Variants in KCNH5 observed in about 807,000 individuals in gnomAD.
The protein encoded by KCNH5 is potassium voltage-gated channel subfamily H member 5, also known as voltage-gated delayed rectifier potassium channel KCNH5.
A neutral mutation model predicts 96.1 loss-of-function variants in KCNH5; 46 were observed. That is an observed-to-expected ratio of 0.48 (90% CI 0.38 to 0.61). The LOEUF (loss-of-function observed/expected upper bound fraction) is 0.61. KCNH5 is among the 20% of genes least tolerant of loss of function. The pLI, the probability that KCNH5 is intolerant of heterozygous loss-of-function variation, is 0.00. For synonymous variants in KCNH5, 439 were observed against 449.8 expected, an observed-to-expected ratio of 0.98 and a Z score of 0.30; for missense variants, 907 against 1,225.8, an observed-to-expected ratio of 0.74 and a Z score of 3.88.
intron 8 of KCNH5, among the ~76,000 whole-genome samples, chr14:62,842,545 C>T (rs1887606994): frequency 6.6e-6 from 1 of 152,160 alleles, no homozygotes; most frequent in Non-Finnish European, 1.5e-5. Context: ...TTGCATAATG[C>T]TTTCAAATAA....
At chr14:62,966,319 C>A (rs1890304827) in intron 6 of KCNH5, among the ~76,000 whole-genome samples, 1 of 152,116 alleles carries the variant, frequency 6.6e-6, no homozygotes, top group Non-Finnish European at 1.5e-5. Context: ...AATCACTGCT[C>A]ATCAAAAGGG....
intron 9 of KCNH5, among the ~76,000 whole-genome samples, chr14:62,798,305 T>C (rs959281664): frequency 1.3e-5 from 2 of 152,044 alleles, no homozygotes; most frequent in African/African-American, 4.8e-5. Context: ...AAAATGAAAA[T>C]ACAACAAAAC....
rs1401132654 is a variant in KCNH5, at chr14:62,908,339, G to A, written c.1369+41794C>T. On this transcript the variant is annotated intron_variant, in intron 7 of 10. Transcript: ENST00000322893. ...AGAGATGAGCACAGACATGACAGAC[G>A]GATACGTCTGACTTTCAATCACCTT... Among the ~76,000 whole-genome samples, 4 of 152,048 alleles carry A rather than the reference G, an allele frequency of 2.6e-5. No homozygotes were observed. In the South Asian group the frequency reaches 6.2e-4, roughly 24 times the overall value.
At chr14:62,959,637 G>A (rs936121506) in intron 6 of KCNH5, among the ~76,000 whole-genome samples, 1 of 152,010 alleles carries the variant, frequency 6.6e-6, no homozygotes, top group Non-Finnish European at 1.5e-5. Flanking sequence ...TCTGATGTTT[G>A]CATCATTATG....
intron 1 of KCNH5, among the ~76,000 whole-genome samples, chr14:63,037,064 AAAC>A (rs1891734684): frequency 6.6e-6 from 1 of 152,200 alleles, no homozygotes; most frequent in South Asian, 2.1e-4. Context: ...TCAAATATTT[AAAC>A]AACTAAATGA....
Position 62,840,561 on chromosome 14 carries a change from T to TCTTTC in KCNH5, c.1569+9091_1569+9092insGAAAG, listed in dbSNP as rs1392441614. Among the ~76,000 whole-genome samples, 344 of 131,896 alleles carry TCTTTC rather than the reference T, an allele frequency of 2.6e-3. 7 individuals carry two copies. The highest frequency in any genetic ancestry group is 7.6e-3 in the East Asian group (28 of 3,672). The allele number at this position is 131,896 out of a possible 152,430, so 86.5% of individuals were successfully genotyped here. A position where few individuals can be genotyped will look rare whatever the true frequency, so the allele number is the denominator to read the frequency against. On this transcript the variant is annotated intron_variant, in intron 8 of 10. Transcript: ENST00000322893. ...TTTGTTTTGTTTTTCTTTTTTCTTT[T>TCTTTC]TTTTCTTTTTTTTTTTTTTTTTTTT...
At chr14:62,798,517 C>T (rs1462227558) in intron 9 of KCNH5, among the ~76,000 whole-genome samples, 2 of 152,062 alleles carry the variant, frequency 1.3e-5, no homozygotes, top group African/African-American at 4.8e-5. Context: ...ATGTATGCAT[C>T]ACGAACTTAA....
At chr14:63,003,839 CT>C (rs1891076625) in intron 3 of KCNH5, among the ~76,000 whole-genome samples, 1 of 151,204 alleles carries the variant, frequency 6.6e-6, no homozygotes, top group Non-Finnish European at 1.5e-5. Flanking sequence ...CCAGGATGGT[CT>C]CGATTTCCTG....
intron 5 of KCNH5, 84 bp from the exon 6 acceptor site, chr14:62,981,348 C>T (rs1296188441): frequency 1.5e-6 from 2 of 1,308,692 alleles, no homozygotes; most frequent in African/African-American, 2.9e-5. Flanking sequence ...GCAGTCAAAC[C>T]ACAGCCAGTC....
intron 8 of KCNH5, among the ~76,000 whole-genome samples, chr14:62,843,169 C>T (rs558974515): frequency 6.6e-6 from 1 of 152,188 alleles, no homozygotes; most frequent in East Asian, 1.9e-4. Flanking sequence ...AACAAAATTC[C>T]AAGAACTTTG....
chr14:62,909,344 C>T (rs1022977664), intron 7 of KCNH5, among the ~76,000 whole-genome samples: 1 of 152,118 alleles, frequency 6.6e-6, no homozygotes, highest in African/African-American at 2.4e-5. Flanking sequence ...CGCGCCCGGC[C>T]TATGCTACGT....
rs926171557 is a variant in KCNH5 at position 62,703,845 on chromosome 14, A to C, written c.*3663T>G. ...AAACAAACTCATAGAAAATTGCTTA[A>C]AAGATAAAAATTATACAAGATAGTG... On this transcript the variant is annotated 3_prime_UTR_variant, in exon 11 of 11. Coordinates refer to ENST00000322893, the MANE Select transcript of KCNH5 (RefSeq NM_139318.5). 2 of 151,916 alleles carry C rather than the reference A, an allele frequency of 1.3e-5. No homozygotes were observed. Among genetic ancestry groups the C allele is most frequent in the African/African-American group, 4.8e-5 (2 of 41,440 alleles). The allele number at this position is 151,916 out of a possible 1,614,324, so 9.4% of individuals were successfully genotyped here.
In KCNH5 at chr14:62,872,091, A is replaced by C. The variant is rs147767947; in HGVS notation, c.1370-22239T>G. Among the ~76,000 whole-genome samples, 12 of 152,334 alleles carry C rather than the reference A, an allele frequency of 7.9e-5. No individual in the cohort carries two copies. The East Asian group carries it at 2.3e-3, about 29-fold the overall frequency. ...TACAAGCTTCTTCCAGCTTATTGAA[A>C]AGAAAAAAAATCCTCTTTGATTCTT... is the stretch of plus-strand genomic sequence containing the variant. On this transcript the variant is annotated intron_variant, in intron 7 of 10. Coordinates refer to ENST00000322893, the MANE Select transcript of KCNH5 (RefSeq NM_139318.5).
At chr14:62,709,219 C>T (rs915844475) in intron 10 of KCNH5, among the ~76,000 whole-genome samples, 6 of 102,722 alleles carry the variant, frequency 5.8e-5, no homozygotes, top group Admixed American at 1.4e-4. Flanking sequence ...GGCGACAGAA[C>T]GAGACTCCTT....
intron 5 of KCNH5, 45 bp downstream of exon 5, chr14:62,987,027 T>C (rs751449510): frequency 1.6e-6 from 2 of 1,269,830 alleles, no homozygotes; most frequent in South Asian, 2.4e-5. Flanking sequence ...AAGAAAAATG[T>C]ACCAACACCA....
chr14:62,996,817 T>C (rs1047289313), intron 4 of KCNH5, among the ~76,000 whole-genome samples: 6 of 152,194 alleles, frequency 3.9e-5, no homozygotes, highest in African/African-American at 7.2e-5. Context: ...ATCTGTGCCA[T>C]GAAATCACTT....
At chr14:62,774,613 T>C (rs1886058509) in intron 10 of KCNH5, among the ~76,000 whole-genome samples, 1 of 152,236 alleles carries the variant, frequency 6.6e-6, no homozygotes, top group Non-Finnish European at 1.5e-5. Flanking sequence ...TTGCTTACTT[T>C]CTTTGATGTA....
chr14:62,746,119 G>A (rs1199680486), intron 10 of KCNH5, among the ~76,000 whole-genome samples: 2 of 152,122 alleles, frequency 1.3e-5, no homozygotes, highest in Non-Finnish European at 2.9e-5. Context: ...ATTTTCTCAC[G>A]ACCTGGCTCT....
intron 8 of KCNH5, among the ~76,000 whole-genome samples, chr14:62,831,743 C>G (rs1045766370): frequency 1.3e-5 from 2 of 152,212 alleles, no homozygotes; most frequent in Non-Finnish European, 2.9e-5. Context: ...CAATCTCACT[C>G]TGTCATCCAG....
Sources: gnomAD v4.1 joint callset for allele counts (sites outside exome capture counted in the v4.1 genomes callset) on GRCh38, gnomAD v4.1.1 for gene constraint, MANE v1.5 for transcripts, NCBI Gene and HGNC (gene_info 2026-07-23, HGNC 2026-07-21) for gene names.